The following SHC3 variants were observed in gnomAD, a reference collection of about 807,000 sequenced individuals.
SHC3 encodes SHC-transforming protein 3.
Under a neutral mutation model 60.4 loss-of-function variants are expected in SHC3, and 15 were observed. That is an observed-to-expected ratio of 0.25 (90% CI 0.17 to 0.38). The LOEUF (loss-of-function observed/expected upper bound fraction) is 0.38, where lower values mean the gene tolerates loss of function less well. Among genes scored for constraint, SHC3 ranks in the 10% least tolerant of loss-of-function variants. The pLI is 1.00. For synonymous variants in SHC3, 294 were observed against 325.9 expected, an observed-to-expected ratio of 0.90 and a Z score of 1.05; for missense variants, 677 against 786.1, an observed-to-expected ratio of 0.86 and a Z score of 1.66.
rs1825968266 is a variant in SHC3, at chr9:89,008,149, CTG to C, written c.*5296_*5297del. The stretch of plus-strand genomic sequence containing the variant: ...GCTATAAAATGTGCCAGTTTTAAAA[CTG>C]TGCATTTGTTGCTTGCAAACTTATA... On this transcript the variant is annotated 3_prime_UTR_variant, in exon 12 of 12. Transcript: ENST00000375835. The C allele has an allele frequency of 6.6e-6, 1 of 152,208 alleles. No individual in the cohort carries two copies. Among genetic ancestry groups the C allele is most frequent in the South Asian group, 2.1e-4 (1 of 4,826 alleles). 9.4% of individuals were successfully genotyped at this position (152,208 alleles called of 1,614,324 possible). A position where few individuals can be genotyped will look rare whatever the true frequency, so the allele number is the denominator to read the frequency against.
intron 1 of SHC3, among the ~76,000 whole-genome samples, chr9:89,127,386 G>A (rs540690609): frequency 4.6e-5 from 7 of 152,150 alleles, no homozygotes; most frequent in African/African-American, 1.7e-4. Context: ...TTTTAAAACA[G>A]TGCTATGGTT....
At chr9:89,170,711 AT>A (rs1826857100) in intron 1 of SHC3, among the ~76,000 whole-genome samples, 1 of 152,218 alleles carries the variant, frequency 6.6e-6, no homozygotes, top group Non-Finnish European at 1.5e-5. Context: ...TCATGACAAT[AT>A]TTTTTTAAAT....
chr9:89,029,171 C>T (rs1034911476), intron 11 of SHC3, among the ~76,000 whole-genome samples: 2 of 151,648 alleles, frequency 1.3e-5, no homozygotes, highest in African/African-American at 4.8e-5. Flanking sequence ...TCTACTCCCT[C>T]AACCAGGAGT....
intron 4 of SHC3, among the ~76,000 whole-genome samples, chr9:89,074,174 C>A (rs1050136839): frequency 2.0e-5 from 3 of 152,086 alleles, no homozygotes; most frequent in Non-Finnish European, 4.4e-5. Context: ...TGCTCACTAA[C>A]CTGGGGAATA....
intron 1 of SHC3, among the ~76,000 whole-genome samples, chr9:89,113,382 G>C (rs1825978041): frequency 6.6e-6 from 1 of 152,096 alleles, no homozygotes; most frequent in Non-Finnish European, 1.5e-5. Flanking sequence ...AAATGCCTTA[G>C]ATTTAGCAGA....
intron 2 of SHC3, among the ~76,000 whole-genome samples, chr9:89,102,887 T>C (rs2118086503): frequency 6.6e-6 from 1 of 152,286 alleles, no homozygotes; most frequent in South Asian, 2.1e-4. Flanking sequence ...TGATGTGCAA[T>C]GAAATCAAAG....
At chr9:89,045,008 G>A (rs187037850) in intron 9 of SHC3, among the ~76,000 whole-genome samples, 8 of 152,258 alleles carry the variant, frequency 5.3e-5, no homozygotes, top group African/African-American at 1.2e-4. Context: ...GAAGGAGAAC[G>A]AGACAAGGAA....
At chr9:89,112,483 GT>G in intron 2 of SHC3, 72 bp downstream of exon 2, 1 of 1,523,518 alleles carries the variant, frequency 6.6e-7, no homozygotes, top group Non-Finnish European at 9.0e-7. Context: ...TTCTAAAAAT[GT>G]GTCAGCTGTT....
At chr9:89,140,451 G>A (rs758312468) in intron 1 of SHC3, among the ~76,000 whole-genome samples, 14 of 152,010 alleles carry the variant, frequency 9.2e-5, no homozygotes, top group Non-Finnish European at 1.9e-4. Flanking sequence ...TGGGTGGGGG[G>A]GCGCATCTCC....
At chr9:89,175,218 G>C (rs1215146783) in intron 1 of SHC3, among the ~76,000 whole-genome samples, 2 of 152,308 alleles carry the variant, frequency 1.3e-5, no homozygotes, top group African/African-American at 4.8e-5. Flanking sequence ...GGAGTAAAAA[G>C]GTGCTGCCAA....
chr9:89,125,208 G>T (rs1027575564), intron 1 of SHC3, among the ~76,000 whole-genome samples: 1 of 152,142 alleles, frequency 6.6e-6, no homozygotes, highest in Non-Finnish European at 1.5e-5. Context: ...AACCTCCCAC[G>T]AGCTTCCCAG....
At chr9:89,046,677 C>CCT (rs1454258793) in intron 8 of SHC3, among the ~76,000 whole-genome samples, 167 bp downstream of exon 8, 2 of 152,192 alleles carry the variant, frequency 1.3e-5, no homozygotes. Context: ...TAACCCAAAG[C>CCT]CTCTCTTCAT....
intron 1 of SHC3, among the ~76,000 whole-genome samples, chr9:89,163,316 T>C (rs1826738502): frequency 6.6e-6 from 1 of 152,122 alleles, no homozygotes; most frequent in South Asian, 2.1e-4. Context: ...GCGGCATTGT[T>C]CACAATAGCA....
At chr9:89,048,787 C>A (rs1395161182) in intron 7 of SHC3, among the ~76,000 whole-genome samples, 1 of 152,182 alleles carries the variant, frequency 6.6e-6, no homozygotes, top group Non-Finnish European at 1.5e-5. Flanking sequence ...CCAGGCTGCA[C>A]CCTGCTGGAG....
chr9:89,149,555 G>A (rs952592417), intron 1 of SHC3, among the ~76,000 whole-genome samples: 2 of 151,932 alleles, frequency 1.3e-5, no homozygotes, highest in African/African-American at 2.4e-5. Context: ...TCTTCATCTG[G>A]ATAACTGCTA....
chr9:89,062,233 T>C (rs1825102877), intron 6 of SHC3, among the ~76,000 whole-genome samples: 1 of 152,208 alleles, frequency 6.6e-6, no homozygotes. Flanking sequence ...AAGAAAATGA[T>C]ATGTTAGAAT....
intron 6 of SHC3, among the ~76,000 whole-genome samples, chr9:89,058,278 T>A: frequency 6.9e-6 from 1 of 145,232 alleles, no homozygotes; most frequent in East Asian, 2.1e-4. Flanking sequence ...AAGATGGTGG[T>A]GGAGGACGGT....
In SHC3 at chr9:89,094,432, C is replaced by T. The variant is rs2118060551; in HGVS notation, c.546-16529G>A. Among the ~76,000 whole-genome samples, 2 of 151,984 alleles carry T rather than the reference C, an allele frequency of 1.3e-5. 1 individual carries two copies. The highest frequency in any genetic ancestry group is 2.9e-5 in the Non-Finnish European group (2 of 67,970). ...GGCTGGGTGGAAGGAAGGCAGGGGC[C>T]CAAGAAACATTTCAAAGAAGAGCAC... On this transcript the variant is annotated intron_variant, in intron 2 of 11. Coordinates refer to ENST00000375835, the MANE Select transcript of SHC3 (RefSeq NM_016848.6).
intron 10 of SHC3, among the ~76,000 whole-genome samples, chr9:89,040,003 GCCA>G (rs569966580): frequency 1.4e-4 from 18 of 129,320 alleles, no homozygotes; most frequent in African/African-American, 4.4e-4. Flanking sequence ...CATCACCATT[GCCA>G]CCACCACCAC....
Sources: allele counts gnomAD v4.1 joint callset (sites outside exome capture counted in the v4.1 genomes callset), GRCh38; gene constraint gnomAD v4.1.1; transcripts MANE v1.5; gene names NCBI Gene and HGNC (gene_info 2026-07-23, HGNC 2026-07-21).